DPH6: variants seen among roughly 807,000 people sequenced by gnomAD.
DPH6 encodes the protein diphthamine biosynthesis 6, also known as diphthine--ammonia ligase.
A neutral mutation model predicts 38.2 loss-of-function variants in DPH6; 33 were observed. That is an observed-to-expected ratio of 0.86 (90% CI 0.65 to 1.15). DPH6 has a LOEUF of 1.15. DPH6 is among the 50% of genes most tolerant of loss of function. DPH6 has a pLI of 0.00. For missense variants in DPH6, 325 were observed against 320.0 expected, an observed-to-expected ratio of 1.02 and a Z score of -0.12; for synonymous variants, 108 against 103.0, an observed-to-expected ratio of 1.05 and a Z score of -0.30.
chr15:35,454,873 C>T, intron 3 of DPH6, 53 bp from the exon 4 acceptor site: 5 of 1,306,272 alleles, frequency 3.8e-6, no homozygotes, highest in Non-Finnish European at 5.4e-6. Flanking sequence ...CAAATGGCTC[C>T]ACATCATGCT....
At chr15:35,311,894 G>A (rs1324799801) in intron 3 of DPH6, among the ~76,000 whole-genome samples, 1 of 151,440 alleles carries the variant, frequency 6.6e-6, no homozygotes, top group Non-Finnish European at 1.5e-5. Flanking sequence ...TGGGAGGTTA[G>A]CCAACAGTAG....
At chr15:35,362,558 C>T (rs977760593) in intron 3 of DPH6, among the ~76,000 whole-genome samples, 1 of 152,210 alleles carries the variant, frequency 6.6e-6, no homozygotes, top group Admixed American at 6.5e-5. Flanking sequence ...TCTAAACTTT[C>T]TATTTTTCTT....
chr15:35,471,279 G>T (rs1411595270), intron 3 of DPH6, among the ~76,000 whole-genome samples: 1 of 152,036 alleles, frequency 6.6e-6, no homozygotes, highest in Non-Finnish European at 1.5e-5. Flanking sequence ...ACTCTCTCTG[G>T]GTGCTTATCT....
chr15:35,437,401 G>C (rs1453022074), intron 5 of DPH6, among the ~76,000 whole-genome samples: 1 of 150,702 alleles, frequency 6.6e-6, no homozygotes, highest in Non-Finnish European at 1.5e-5. Context: ...TCCAAACTGG[G>C]AGAAGTTAAT....
intron 3 of DPH6, among the ~76,000 whole-genome samples, chr15:35,245,506 G>A (rs1176271181): frequency 6.6e-6 from 1 of 152,144 alleles, no homozygotes. Flanking sequence ...CCAAAGTGCT[G>A]GGATTACAGG....
the DPH6 span, among the ~76,000 whole-genome samples, chr15:35,196,538 G>T: frequency 6.6e-6 from 1 of 152,172 alleles, no homozygotes; most frequent in African/African-American, 2.4e-5. Flanking sequence ...TAAGGTACGA[G>T]TGCAAACTTA....
At chr15:35,360,648 G>T (rs1456791336) in intron 3 of DPH6, among the ~76,000 whole-genome samples, 1 of 152,206 alleles carries the variant, frequency 6.6e-6, no homozygotes. Flanking sequence ...CCAGTTCAAG[G>T]TCTATAGCCA....
At chr15:35,363,344 T>C (rs2052629461) in intron 3 of DPH6, among the ~76,000 whole-genome samples, 1 of 152,214 alleles carries the variant, frequency 6.6e-6, no homozygotes, top group African/African-American at 2.4e-5. Context: ...AGAATTGTTA[T>C]ATCTTCCTGA....
intron 6 of DPH6, chr15:35,401,275 A>G (rs2053215402): frequency 5.5e-6 from 5 of 914,396 alleles, no homozygotes. Context: ...TTGTGGAGAC[A>G]GTTTCGGTGG....
intron 3 of DPH6, among the ~76,000 whole-genome samples, chr15:35,286,411 T>C (rs566491635): frequency 1.8e-4 from 27 of 152,226 alleles, no homozygotes; most frequent in Non-Finnish European, 2.9e-4. Context: ...AAATCATTGA[T>C]TGGGCCTTCT....
downstream of DPH6, among the ~76,000 whole-genome samples, chr15:35,327,335 C>T (rs1249029635): frequency 1.4e-5 from 2 of 144,256 alleles, no homozygotes; most frequent in African/African-American, 2.6e-5. Flanking sequence ...AGAAAAGGTT[C>T]CTTTTTTTTT....
At chr15:35,297,131 C>A (rs1053710949) in intron 3 of DPH6, among the ~76,000 whole-genome samples, 4 of 152,194 alleles carry the variant, frequency 2.6e-5, no homozygotes, top group African/African-American at 9.7e-5. Flanking sequence ...ATTATGATTT[C>A]ACTGTCCCGT....
the DPH6 span, among the ~76,000 whole-genome samples, chr15:35,151,856 C>T: frequency 6.6e-6 from 1 of 152,210 alleles, no homozygotes. Context: ...ACGAAATGCT[C>T]AGCAAGTCCA....
intron 3 of DPH6, among the ~76,000 whole-genome samples, chr15:35,477,673 C>G (rs1447902871): frequency 6.6e-6 from 1 of 151,826 alleles, no homozygotes; most frequent in Admixed American, 6.6e-5. Context: ...CATAGTGATT[C>G]ATTTTCTATC....
At chr15:35,450,869 A>C in intron 4 of DPH6, 66 bp from the exon 5 acceptor site, 1 of 1,256,078 alleles carries the variant, frequency 8.0e-7, no homozygotes, top group South Asian at 1.4e-5. Flanking sequence ...ATCCACAGCA[A>C]TTACTTTGAT....
chr15:35,299,223 A>G, intron 3 of DPH6: 1 of 1,232,504 alleles, frequency 8.1e-7, no homozygotes, highest in Non-Finnish European at 1.2e-6. Flanking sequence ...CCCAGCTGGC[A>G]CATGCGGTGG....
the DPH6 span, among the ~76,000 whole-genome samples, chr15:35,163,073 C>T: frequency 2.1e-4 from 32 of 151,918 alleles, no homozygotes; most frequent in African/African-American, 6.7e-4. Flanking sequence ...TCTGGATCCT[C>T]GGTGAGCAGA....
intron 6 of DPH6, among the ~76,000 whole-genome samples, chr15:35,406,302 T>A (rs749213472): frequency 6.6e-6 from 1 of 152,024 alleles, no homozygotes; most frequent in Non-Finnish European, 1.5e-5. Context: ...ATAGGGAGTA[T>A]TCCATTGACT....
In DPH6 at chr15:35,371,925, A is replaced by G; in HGVS notation, c.*225T>C. On this transcript the variant is annotated 3_prime_UTR_variant, in exon 9 of 9. Coordinates refer to ENST00000256538, the MANE Select transcript of DPH6 (RefSeq NM_080650.4). The stretch of plus-strand genomic sequence containing the variant: ...GGTCATAGGGAAGATGTGTTAACGA[A>G]AGAGAAAGAGTGAATTCCAAGAAAG... 1.6e-6 allele frequency: 2 copies of G among 1,235,886 alleles called. No individual in the cohort carries two copies. The highest frequency in any genetic ancestry group is 2.6e-5 in the South Asian group (1 of 37,796). 76.6% of individuals were successfully genotyped at this position (1,235,886 alleles called of 1,614,324 possible). A position where few individuals can be genotyped will look rare whatever the true frequency, so the allele number is the denominator to read the frequency against.
Sources: allele counts gnomAD v4.1 joint callset (sites outside exome capture counted in the v4.1 genomes callset), GRCh38; gene constraint gnomAD v4.1.1; transcripts MANE v1.5; gene names NCBI Gene and HGNC (gene_info 2026-07-23, HGNC 2026-07-21).